FGGY: variants seen among roughly 807,000 people sequenced by gnomAD.
FGGY encodes the protein FGGY carbohydrate kinase domain containing.
A neutral mutation model predicts 71.3 loss-of-function variants in FGGY; 72 were observed. That is an observed-to-expected ratio of 1.01 (90% CI 0.84 to 1.23). The LOEUF (loss-of-function observed/expected upper bound fraction) is 1.23, where lower values mean the gene tolerates loss of function less well. FGGY is among the 50% of genes most tolerant of loss of function. The pLI is 0.00. For synonymous variants in FGGY, 251 were observed against 250.3 expected, an observed-to-expected ratio of 1.00 and a Z score of -0.02; for missense variants, 668 against 682.3, an observed-to-expected ratio of 0.98 and a Z score of 0.23.
intron 5 of FGGY, among the ~76,000 whole-genome samples, chr1:59,398,483 C>T (rs139729358): frequency 0.033 from 4,964 of 152,304 alleles, 107 homozygotes; most frequent in South Asian, 0.074. Context: ...AAATGATCCA[C>T]CTGCCTCAGC....
chr1:59,511,619 T>C (rs2094520770), intron 6 of FGGY, among the ~76,000 whole-genome samples: 1 of 151,538 alleles, frequency 6.6e-6, no homozygotes, highest in African/African-American at 2.4e-5. Context: ...GACAATCAAT[T>C]CTTAACTGAA....
rs2067266645 is a variant in FGGY at position 59,431,031 on chromosome 1, A to T, written c.555-25930A>T. Among the ~76,000 whole-genome samples the T allele has an allele frequency of 2.0e-5, 3 of 152,146 alleles. 1 individual carries two copies. The highest frequency in any genetic ancestry group is 4.8e-5 in the African/African-American group (2 of 41,420). On this transcript the variant is annotated intron_variant, in intron 5 of 15. Transcript: ENST00000303721. ...CCTTCCATATCCATTACTGTTAGCT[A>T]AGTGGGGGACAATCTATATATTGCC...
chr1:59,357,257 G>A (rs2054506319), intron 4 of FGGY, among the ~76,000 whole-genome samples: 1 of 150,206 alleles, frequency 6.7e-6, no homozygotes, highest in Non-Finnish European at 1.5e-5. Context: ...TTATAGTCCA[G>A]CAAAGTAATT....
At chr1:59,359,231 G>C (rs531342479) in intron 4 of FGGY, among the ~76,000 whole-genome samples, 3 of 152,126 alleles carry the variant, frequency 2.0e-5, no homozygotes, top group Admixed American at 6.5e-5. Context: ...ACTTTGATTA[G>C]AGAAAGCAAC....
At chr1:59,499,684 A>T (rs1247215568) in intron 6 of FGGY, among the ~76,000 whole-genome samples, 1 of 152,180 alleles carries the variant, frequency 6.6e-6, no homozygotes, top group East Asian at 1.9e-4. Flanking sequence ...TGTTTGAGAT[A>T]TTTCTGGCTT....
At chr1:59,454,050 TA>T (rs1470447862) in intron 5 of FGGY, among the ~76,000 whole-genome samples, 1 of 151,782 alleles carries the variant, frequency 6.6e-6, no homozygotes, top group African/African-American at 2.4e-5. Flanking sequence ...AGCTTGGAGG[TA>T]GTAGAGAAAC....
chr1:59,339,929 A>G (rs1323784813), intron 2 of FGGY, 29 bp from the exon 3 acceptor site: 1 of 1,408,302 alleles, frequency 7.1e-7, no homozygotes, highest in South Asian at 1.2e-5. Flanking sequence ...TGGTGTTGTA[A>G]TTTATGTTTT....
chr1:59,325,062 A>G (rs923159722), intron 2 of FGGY, among the ~76,000 whole-genome samples: 2 of 152,144 alleles, frequency 1.3e-5, no homozygotes, highest in African/African-American at 4.8e-5. Flanking sequence ...CACCTTATAA[A>G]GTAAGCTTAG....
intron 7 of FGGY, among the ~76,000 whole-genome samples, chr1:59,536,596 C>T (rs1459475084): frequency 6.6e-6 from 1 of 152,128 alleles, no homozygotes; most frequent in Non-Finnish European, 1.5e-5. Context: ...TACTGGCAAA[C>T]CGAATCCAGC....
At chr1:59,685,933 C>G (rs1460405595) in intron 14 of FGGY, among the ~76,000 whole-genome samples, 2 of 152,164 alleles carry the variant, frequency 1.3e-5, no homozygotes, top group East Asian at 1.9e-4. Context: ...CATATGGAGT[C>G]AAAGAATTAT....
Position 59,630,427 on chromosome 1 carries a change from A to G in FGGY, c.1073+4378A>G, listed in dbSNP as rs191288203. Among the ~76,000 whole-genome samples the G allele has an allele frequency of 4.6e-5, 7 of 152,284 alleles. No individual in the cohort carries two copies. In the South Asian group the frequency reaches 1.2e-3, roughly 27 times the overall value. ...GAAAGCATGGAGGAACAGCAAGGAC[A>G]GGGACTGTGAATTAGAGTCCTTGAG... On this transcript the variant is annotated intron_variant, in intron 10 of 15. Coordinates refer to ENST00000303721, the MANE Select transcript of FGGY (RefSeq NM_018291.5).
intron 4 of FGGY, among the ~76,000 whole-genome samples, chr1:59,366,411 A>G (rs1168214371): frequency 1.3e-5 from 2 of 151,948 alleles, no homozygotes; most frequent in African/African-American, 2.4e-5. Flanking sequence ...CTCTGCTTGC[A>G]TCTCTCCCCG....
intron 8 of FGGY, among the ~76,000 whole-genome samples, chr1:59,586,190 A>G (rs1302125753): frequency 1.3e-5 from 2 of 152,232 alleles, no homozygotes; most frequent in African/African-American, 4.8e-5. Flanking sequence ...AAATCATGCT[A>G]CTATAAAGAC....
At chr1:59,716,836 G>A (rs767515977) in intron 14 of FGGY, among the ~76,000 whole-genome samples, 1 of 152,244 alleles carries the variant, frequency 6.6e-6, no homozygotes. Context: ...AGCGGGAAAA[G>A]GAACCACAGA....
intron 5 of FGGY, among the ~76,000 whole-genome samples, chr1:59,406,967 C>T (rs548106078): frequency 6.6e-6 from 1 of 152,190 alleles, no homozygotes; most frequent in Non-Finnish European, 1.5e-5. Flanking sequence ...TCACCCTTGC[C>T]CTGCTCTGCA....
intron 7 of FGGY, among the ~76,000 whole-genome samples, chr1:59,516,815 G>C (rs990796978): frequency 6.6e-6 from 1 of 152,142 alleles, no homozygotes; most frequent in Non-Finnish European, 1.5e-5. Context: ...GGCATGGCCT[G>C]CTTGAAACCC....
intron 6 of FGGY, among the ~76,000 whole-genome samples, chr1:59,485,159 T>C (rs1351943696): frequency 6.6e-6 from 1 of 152,210 alleles, no homozygotes; most frequent in Non-Finnish European, 1.5e-5. Context: ...CACTAGCTAG[T>C]GGCATGTTAC....
At chr1:59,408,599 T>G (rs2063123170) in intron 5 of FGGY, among the ~76,000 whole-genome samples, 2 of 152,230 alleles carry the variant, frequency 1.3e-5, no homozygotes, top group Admixed American at 6.5e-5. Context: ...TATATATGTA[T>G]ATGCAGGCAC....
At chr1:59,486,583 G>A (rs12145241) in intron 6 of FGGY, among the ~76,000 whole-genome samples, 26,198 of 152,086 alleles carry the variant, frequency 0.17, 2,919 homozygotes, top group Middle Eastern at 0.31. Flanking sequence ...CTGGAACACC[G>A]TCTGTGCTCC....
Sources: allele counts gnomAD v4.1 joint callset (sites outside exome capture counted in the v4.1 genomes callset), GRCh38; gene constraint gnomAD v4.1.1; transcripts MANE v1.5; gene names NCBI Gene and HGNC (gene_info 2026-07-23, HGNC 2026-07-21).